The following EEIG2 variants were observed in gnomAD, a reference collection of about 807,000 sequenced individuals.
EEIG2 encodes the protein family with sequence similarity 102 member B.
chr1:108,589,144 C>A, the EEIG2 span, among the ~76,000 whole-genome samples: 1 of 152,032 alleles, frequency 6.6e-6, no homozygotes, highest in African/African-American at 2.4e-5. Flanking sequence ...CAGGGCCAGT[C>A]CCCCTAATTA....
the EEIG2 span, among the ~76,000 whole-genome samples, chr1:108,615,790 A>G: frequency 1.3e-5 from 2 of 151,818 alleles, no homozygotes; most frequent in African/African-American, 4.8e-5. Context: ...AAGAATTAAA[A>G]AAAAAAAAAA....
chr1:108,607,928 T>A, the EEIG2 span, among the ~76,000 whole-genome samples: 1 of 152,236 alleles, frequency 6.6e-6, no homozygotes, highest in African/African-American at 2.4e-5. Context: ...GCCAAAATAA[T>A]CTTTCTAAAA....
chr1:108,587,701 G>A, the EEIG2 span, among the ~76,000 whole-genome samples: 8 of 152,064 alleles, frequency 5.3e-5, no homozygotes, highest in South Asian at 8.3e-4. Flanking sequence ...TACCTTATCC[G>A]TAGGAAAATT....
chr1:108,592,632 T>A, the EEIG2 span, among the ~76,000 whole-genome samples: 1 of 152,168 alleles, frequency 6.6e-6, no homozygotes, highest in East Asian at 1.9e-4. Context: ...GGTGGGACTC[T>A]ACGGGTCATG....
chr1:108,585,354 A>T, the EEIG2 span, among the ~76,000 whole-genome samples: 20 of 152,150 alleles, frequency 1.3e-4, no homozygotes, highest in Non-Finnish European at 2.9e-4. Flanking sequence ...CAAAATAATT[A>T]AGAAGCTATT....
chr1:108,610,120 C>G, the EEIG2 span, among the ~76,000 whole-genome samples: 1 of 152,242 alleles, frequency 6.6e-6, no homozygotes, highest in East Asian at 1.9e-4. Flanking sequence ...AGAAATGGTT[C>G]AATAGCCTGG....
the EEIG2 span, among the ~76,000 whole-genome samples, chr1:108,566,704 A>T: frequency 1.3e-5 from 2 of 152,204 alleles, no homozygotes; most frequent in African/African-American, 4.8e-5. Flanking sequence ...TTTAAAAAAA[A>T]AAAAGGAAAT....
At chr1:108,614,681 C>T in the EEIG2 span, among the ~76,000 whole-genome samples, 1 of 152,128 alleles carries the variant, frequency 6.6e-6, no homozygotes. Flanking sequence ...CCAAAGTTTG[C>T]CTAATCAAGA....
chr1:108,575,384 G>A, the EEIG2 span, among the ~76,000 whole-genome samples: 1 of 152,054 alleles, frequency 6.6e-6, no homozygotes, highest in East Asian at 1.9e-4. Context: ...GAACTTTCAG[G>A]GATTGGTAGG....
the EEIG2 span, among the ~76,000 whole-genome samples, chr1:108,565,870 T>A: frequency 6.6e-6 from 1 of 152,212 alleles, no homozygotes; most frequent in Non-Finnish European, 1.5e-5. Flanking sequence ...TAATACAGAT[T>A]CATATGGACA....
chr1:108,560,711 C>A, the EEIG2 span: 1 of 969,620 alleles, frequency 1.0e-6, no homozygotes, highest in Non-Finnish European at 1.5e-6. Context: ...AAGTGCTTTG[C>A]AAATGGGTTC....
chr1:108,616,703 T>C, the EEIG2 span, among the ~76,000 whole-genome samples: 1 of 152,160 alleles, frequency 6.6e-6, no homozygotes, highest in African/African-American at 2.4e-5. Flanking sequence ...ACGGCTTCTG[T>C]GAACATATTC....
the EEIG2 span, among the ~76,000 whole-genome samples, chr1:108,603,955 G>A: frequency 2.0e-5 from 3 of 152,288 alleles, no homozygotes; most frequent in Non-Finnish European, 2.9e-5. Context: ...GAGAACAAGG[G>A]TGGAATACAC....
the EEIG2 span, chr1:108,636,385 A>G: frequency 1.3e-3 from 204 of 152,334 alleles, 1 homozygote; most frequent in African/African-American, 4.6e-3. Context: ...TAATTCCCCA[A>G]TTCTTACTTT....
At chr1:108,625,664 TTCTC>T in the EEIG2 span, 1 of 152,080 alleles carries the variant, frequency 6.6e-6, no homozygotes, top group Non-Finnish European at 1.5e-5. Context: ...CCCTACATCC[TTCTC>T]TATCTACTGC....
At chr1:108,628,587 A>G in the EEIG2 span, 15 of 1,598,226 alleles carry the variant, frequency 9.4e-6, no homozygotes, top group African/African-American at 1.8e-4. Flanking sequence ...CTCAGCAGGT[A>G]TCCTTTTAGT....
chr1:108,622,400 C>G, the EEIG2 span, among the ~76,000 whole-genome samples: 3 of 151,854 alleles, frequency 2.0e-5, no homozygotes, highest in Non-Finnish European at 4.4e-5. Flanking sequence ...GGTACAAAGG[C>G]CAAAACTCAA....
At chr1:108,622,590 G>T in the EEIG2 span, among the ~76,000 whole-genome samples, 3 of 152,186 alleles carry the variant, frequency 2.0e-5, no homozygotes, top group African/African-American at 7.2e-5. Flanking sequence ...AATACAAGAA[G>T]AAAACAGTTT....
the EEIG2 span, among the ~76,000 whole-genome samples, chr1:108,614,137 A>G: frequency 1.3e-5 from 2 of 150,092 alleles, no homozygotes; most frequent in Non-Finnish European, 3.0e-5. Context: ...TATCCAGCTT[A>G]AATTTCATGG....
Sources: gnomAD v4.1 joint callset for allele counts (sites outside exome capture counted in the v4.1 genomes callset) on GRCh38, gnomAD v4.1.1 for gene constraint, MANE v1.5 for transcripts, NCBI Gene and HGNC (gene_info 2026-07-23, HGNC 2026-07-21) for gene names.